The following P4HA3 variants were observed in gnomAD, a reference collection of about 807,000 sequenced individuals.
P4HA3 encodes the protein prolyl 4-hydroxylase subunit alpha-3.
Under a neutral mutation model 66.7 loss-of-function variants are expected in P4HA3, and 60 were observed. That is an observed-to-expected ratio of 0.90 (90% CI 0.73 to 1.12). P4HA3 has a LOEUF of 1.12. P4HA3 is among the 50% of genes most tolerant of loss of function. The pLI is 0.00. For synonymous variants in P4HA3, 263 were observed against 274.6 expected (o/e 0.96, Z 0.42); for missense variants, 683 against 685.8 (o/e 1.00, Z 0.05).
intron 15 of P4HA3, chr11:74,253,594 C>T (rs1048513488): frequency 4.8e-6 from 7 of 1,448,294 alleles, no homozygotes; most frequent in Non-Finnish European, 5.8e-6. Flanking sequence ...ACTGTCTCCT[C>T]TCCATCCCGC....
At chr11:74,253,610 C>A in intron 15 of P4HA3, 2 of 1,342,536 alleles carry the variant, frequency 1.5e-6, no homozygotes, top group Non-Finnish European at 2.1e-6. Context: ...CCCGCCCAGC[C>A]ATGTGACACT....
chr11:74,270,415 T>C (rs985442230), intron 10 of P4HA3, among the ~76,000 whole-genome samples: 1 of 152,222 alleles, frequency 6.6e-6, no homozygotes, highest in East Asian at 1.9e-4. Flanking sequence ...GTTTTCTTAA[T>C]GTGAAGCTTT....
At chr11:74,268,731 A>G (rs1025050584) in intron 11 of P4HA3, among the ~76,000 whole-genome samples, 20 of 152,214 alleles carry the variant, frequency 1.3e-4, no homozygotes, top group Admixed American at 1.3e-3. Context: ...CCAGTTTCCT[A>G]GCAAAGAACT....
Position 74,276,978 on chromosome 11 carries a change from C to T in P4HA3, c.1335+7G>A, listed in dbSNP as rs769027873. On this transcript the variant is annotated splice_region_variant and intron_variant, in intron 9 of 12. Coordinates refer to ENST00000331597, the MANE Select transcript of P4HA3 (RefSeq NM_182904.5). Reference sequence around the variant, plus strand: ...CCCAGGGGATTGGTCATTGACTCCACCATTACCGTAGCATGGTCAAAGTGA... The same window carrying T: ...CCCAGGGGATTGGTCATTGACTCCATCATTACCGTAGCATGGTCAAAGTGA... The T allele has an allele frequency of 3.7e-5, 59 of 1,610,468 alleles. No homozygotes were observed. In the Admixed American group the frequency reaches 4.5e-4, roughly 12 times the overall value.
chr11:74,297,414 A>G (rs1861259119), intron 4 of P4HA3, among the ~76,000 whole-genome samples: 2 of 152,208 alleles, frequency 1.3e-5, no homozygotes, highest in East Asian at 3.8e-4. Flanking sequence ...GGGAAAGGAA[A>G]AAAAAGGTAG....
chr11:74,259,326 T>C (rs1859872979), intron 15 of P4HA3, among the ~76,000 whole-genome samples: 1 of 152,020 alleles, frequency 6.6e-6, no homozygotes, highest in African/African-American at 2.4e-5. Context: ...TTGCAGTGAG[T>C]GGAGATCATG....
chr11:74,251,803 T>C, intron 15 of P4HA3: 1 of 1,523,210 alleles, frequency 6.6e-7, no homozygotes. Flanking sequence ...ATCTCTGCCT[T>C]ACCCCTGCCT....
At chr11:74,263,160 C>G (rs1859935866), downstream of P4HA3, among the ~76,000 whole-genome samples, 1 of 152,234 alleles carries the variant, frequency 6.6e-6, no homozygotes, top group Non-Finnish European at 1.5e-5. Flanking sequence ...TACATTTGGG[C>G]ATGGACCCGC....
intron 9 of P4HA3, among the ~76,000 whole-genome samples, chr11:74,275,126 CT>C (rs1275428367): frequency 6.6e-6 from 1 of 152,114 alleles, no homozygotes; most frequent in African/African-American, 2.4e-5. Flanking sequence ...TAGTTGGTGG[CT>C]TGTCTTTTCC....
chr11:74,311,110 G>T (rs1324790256), intron 1 of P4HA3, among the ~76,000 whole-genome samples: 1 of 152,038 alleles, frequency 6.6e-6, no homozygotes, highest in South Asian at 2.1e-4. Flanking sequence ...GATATGGGGG[G>T]TGCCACTATG....
chr11:74,276,351 C>A (rs1216654678), intron 9 of P4HA3, among the ~76,000 whole-genome samples: 1 of 152,064 alleles, frequency 6.6e-6, no homozygotes, highest in African/African-American at 2.4e-5. Flanking sequence ...TCGCTTGAGC[C>A]CAGGAGCTCA....
At chr11:74,289,709 C>T (rs1402208136) in intron 4 of P4HA3, among the ~76,000 whole-genome samples, 1 of 149,750 alleles carries the variant, frequency 6.7e-6, no homozygotes, top group Non-Finnish European at 1.5e-5. Context: ...GGTTTTTTGT[C>T]CTTGAGATAT....
chr11:74,272,738 G>T (rs567327731), intron 10 of P4HA3, among the ~76,000 whole-genome samples: 34 of 152,312 alleles, frequency 2.2e-4, no homozygotes, highest in African/African-American at 7.9e-4. Flanking sequence ...GCTGAAACAA[G>T]GACTTCATCT....
intron 9 of P4HA3, 125 bp from the exon 10 acceptor site, chr11:74,273,732 T>C (rs1374255499): frequency 4.4e-6 from 3 of 676,762 alleles, no homozygotes; most frequent in African/African-American, 1.9e-5. Context: ...AGTTCTGATA[T>C]ACACCTACTG....
intron 15 of P4HA3, chr11:74,251,429 T>C: frequency 7.1e-7 from 1 of 1,399,066 alleles, no homozygotes. Context: ...CTTCACGTCA[T>C]TCCTCTTGAG....
rs575029274 is a variant in P4HA3 at position 74,273,466 on chromosome 11, C to A, written c.1398+79G>T. 1.3e-5 allele frequency: 17 copies of A among 1,269,128 alleles called. No homozygotes were observed. The South Asian group carries it at 2.0e-4, about 15-fold the overall frequency. 78.6% of individuals were successfully genotyped at this position (1,269,128 alleles called of 1,614,324 possible). On this transcript the variant is annotated intron_variant, in intron 10 of 12. Coordinates refer to ENST00000331597, the MANE Select transcript of P4HA3 (RefSeq NM_182904.5). ...CGCTGAGTACCAGATAAAATCAATA[C>A]GTGAAATTGCTTTGAAAACAATAAA... is the stretch of plus-strand genomic sequence containing the variant.
intron 12 of P4HA3, among the ~76,000 whole-genome samples, chr11:74,267,597 C>T (rs1173976387): frequency 2.0e-5 from 3 of 152,216 alleles, no homozygotes; most frequent in Non-Finnish European, 1.5e-5. Context: ...ATCACTCACC[C>T]TTCATTTTAG....
chr11:74,288,686 T>A (rs898264104), intron 5 of P4HA3, among the ~76,000 whole-genome samples: 1 of 152,132 alleles, frequency 6.6e-6, no homozygotes. Context: ...CAGTGGCTCA[T>A]GCCTGTAATC....
chr11:74,263,920 C>T (rs1326109842), downstream of P4HA3, among the ~76,000 whole-genome samples: 1 of 151,778 alleles, frequency 6.6e-6, no homozygotes, highest in South Asian at 2.1e-4. Flanking sequence ...CTTAGGAGTT[C>T]GAGAAAGAAA....
Sources: gnomAD v4.1 joint callset for allele counts (sites outside exome capture counted in the v4.1 genomes callset) on GRCh38, gnomAD v4.1.1 for gene constraint, MANE v1.5 for transcripts, NCBI Gene and HGNC (gene_info 2026-07-23, HGNC 2026-07-21) for gene names.